The following SNX24 variants were observed in gnomAD, a reference collection of about 807,000 sequenced individuals.
SNX24 encodes the protein sorting nexin 24.
A neutral mutation model predicts 28.7 loss-of-function variants in SNX24; 22 were observed. The ratio of observed to expected loss-of-function variants is 0.77; its 90% CI spans 0.55 to 1.10. The LOEUF (loss-of-function observed/expected upper bound fraction) is 1.10. Among genes scored for constraint, SNX24 ranks in the 50% least tolerant of loss-of-function variants. The pLI is 0.00. For missense variants in SNX24, 221 were observed against 201.1 expected (o/e 1.10, Z -0.60); for synonymous variants, 69 against 71.5 (o/e 0.96, Z 0.18).
At chr5:122,852,812 G>A (rs979524678) in intron 1 of SNX24, among the ~76,000 whole-genome samples, 1 of 152,114 alleles carries the variant, frequency 6.6e-6, no homozygotes, top group Non-Finnish European at 1.5e-5. Flanking sequence ...TGGCAAGGAG[G>A]GTAGGTTAAC....
chr5:122,929,844 G>T (rs565900070), intron 1 of SNX24, among the ~76,000 whole-genome samples: 1 of 151,226 alleles, frequency 6.6e-6, no homozygotes, highest in African/African-American at 2.4e-5. Flanking sequence ...TTCTAGGTTA[G>T]GTCCACAGTC....
intron 1 of SNX24, among the ~76,000 whole-genome samples, chr5:122,931,761 C>T (rs246314): frequency 0.71 from 108,564 of 151,932 alleles, 39,488 homozygotes; most frequent in East Asian, 0.99. Context: ...ATAGAACCCC[C>T]GTCTGTATTT....
intron 1 of SNX24, among the ~76,000 whole-genome samples, chr5:122,908,912 A>G (rs1452313634): frequency 2.0e-5 from 3 of 152,222 alleles, no homozygotes; most frequent in Non-Finnish European, 4.4e-5. Flanking sequence ...ATGTGCACAT[A>G]GCAAGGCTGA....
intron 3 of SNX24, among the ~76,000 whole-genome samples, chr5:122,979,689 T>G (rs1761314652): frequency 6.6e-6 from 1 of 152,218 alleles, no homozygotes; most frequent in Non-Finnish European, 1.5e-5. Context: ...ATGTGATATT[T>G]GAAGAAAACT....
chr5:123,008,379 C>A lies in SNX24; in HGVS notation c.*630C>A. On this transcript the variant is annotated 3_prime_UTR_variant, in exon 7 of 7. Coordinates refer to ENST00000261369, the MANE Select transcript of SNX24 (RefSeq NM_014035.4). ...ATACTCAGGGGTTAGCTTCCAAGGT[C>A]AGTACATAGGTAAAATGGGCTATTA... is the stretch of plus-strand genomic sequence containing the variant. The A allele has an allele frequency of 1.2e-6, 1 of 812,914 alleles. No individual in the cohort carries two copies. The highest frequency in any genetic ancestry group is 1.5e-6 in the Non-Finnish European group (1 of 672,764). 50.4% of individuals were successfully genotyped at this position (812,914 alleles called of 1,614,324 possible).
At chr5:122,957,088 G>A (rs529881439) in intron 3 of SNX24, among the ~76,000 whole-genome samples, 1 of 152,076 alleles carries the variant, frequency 6.6e-6, no homozygotes, top group Non-Finnish European at 1.5e-5. Context: ...AGAAATCATT[G>A]CCAAATCCAG....
In SNX24 at chr5:122,845,633, C is replaced by T. The variant is rs1754581882; in HGVS notation, c.-1C>T. 1.4e-6 allele frequency: 2 copies of T among 1,414,154 alleles called. No individual in the cohort carries two copies. Among genetic ancestry groups the T allele is most frequent in the Non-Finnish European group, 1.9e-6 (2 of 1,075,108 alleles). The allele number at this position is 1,414,154 out of a possible 1,614,324, so 87.6% of individuals were successfully genotyped here. A position where few individuals can be genotyped will look rare whatever the true frequency, so the allele number is the denominator to read the frequency against. ...CCCTCAGCCGGCTGGCCGGCGCGGC[C>T]ATGGAGGTCTACATCCCGTCCTTTC... is the stretch of plus-strand genomic sequence containing the variant. On this transcript the variant is annotated 5_prime_UTR_variant, in exon 1 of 7. Transcript: ENST00000261369.
At position 123,023,687 on chromosome 5, in the gene SNX24, G is replaced by A. The variant is rs144971686; in HGVS notation, n.384-5551G>A. On this transcript the variant is annotated intron_variant and non_coding_transcript_variant, in intron 5 of 5. Coordinates refer to the SNX24 transcript ENST00000502387. The stretch of plus-strand genomic sequence containing the variant: ...TAAGTTCAAAGTCCCTAAGCAGGTG[G>A]TTTACTAAAGTTCAAGCAAACTAAA... 2.0e-4 allele frequency: 178 copies of A among 882,252 alleles called. 1 individual carries two copies. In the African/African-American group the frequency reaches 2.8e-3, roughly 14 times the overall value. 54.7% of individuals were successfully genotyped at this position (882,252 alleles called of 1,614,324 possible).
At chr5:122,971,925 T>TG (rs1332654808) in intron 3 of SNX24, among the ~76,000 whole-genome samples, 4 of 152,222 alleles carry the variant, frequency 2.6e-5, no homozygotes, top group Non-Finnish European at 5.9e-5. Context: ...CTGAAGGGTC[T>TG]GGGCCATTTG....
chr5:122,985,153 A>T (rs759314767), intron 3 of SNX24, among the ~76,000 whole-genome samples: 8 of 152,176 alleles, frequency 5.3e-5, no homozygotes, highest in Non-Finnish European at 1.2e-4. Flanking sequence ...ATATCATCTC[A>T]TGTCATGACC....
At chr5:122,882,919 A>C (rs1756544632) in intron 1 of SNX24, among the ~76,000 whole-genome samples, 1 of 152,100 alleles carries the variant, frequency 6.6e-6, no homozygotes, top group Non-Finnish European at 1.5e-5. Flanking sequence ...ATATAGGGAA[A>C]AATGGGAGTA....
intron 1 of SNX24, among the ~76,000 whole-genome samples, chr5:122,928,696 C>T (rs1230157690): frequency 6.6e-6 from 1 of 151,804 alleles, no homozygotes; most frequent in African/African-American, 2.4e-5. Flanking sequence ...CAGTCACACA[C>T]CCCTGCCAGT....
chr5:122,847,502 C>CTTTTT (rs1183386656), intron 1 of SNX24, among the ~76,000 whole-genome samples: 3 of 130,792 alleles, frequency 2.3e-5, no homozygotes, highest in Admixed American at 8.1e-5. Context: ...CTCTCTCTCT[C>CTTTTT]TTTTTTTTTT....
intron 3 of SNX24, among the ~76,000 whole-genome samples, chr5:122,961,309 T>G (rs1760480011): frequency 6.6e-6 from 1 of 152,218 alleles, no homozygotes; most frequent in Non-Finnish European, 1.5e-5. Context: ...TTACCAAGGA[T>G]TTCCTTTAAA....
intron 3 of SNX24, among the ~76,000 whole-genome samples, chr5:122,947,408 C>T (rs111491834): frequency 2.0e-5 from 3 of 152,218 alleles, no homozygotes; most frequent in South Asian, 2.1e-4. Context: ...GCCAGAATTC[C>T]GTTCCTGGCC....
chr5:123,011,372 G>C (rs1414406173), downstream of SNX24, among the ~76,000 whole-genome samples: 2 of 152,060 alleles, frequency 1.3e-5, no homozygotes, highest in Admixed American at 6.5e-5. Context: ...GGCAGCCCTC[G>C]TGTCCTTTCT....
chr5:123,017,149 A>G (rs1762693874), intron 5 of SNX24, among the ~76,000 whole-genome samples: 1 of 152,046 alleles, frequency 6.6e-6, no homozygotes, highest in African/African-American at 2.4e-5. Flanking sequence ...GGTGAACGGT[A>G]TGATTGTATA....
At chr5:122,883,613 A>G (rs146908695) in intron 1 of SNX24, among the ~76,000 whole-genome samples, 1 of 152,132 alleles carries the variant, frequency 6.6e-6, no homozygotes, top group East Asian at 1.9e-4. Flanking sequence ...TAAAACTGTC[A>G]GAAATGTATT....
chr5:122,857,901 GCCT>G (rs1755279909), intron 1 of SNX24, among the ~76,000 whole-genome samples: 1 of 152,106 alleles, frequency 6.6e-6, no homozygotes, highest in Non-Finnish European at 1.5e-5. Context: ...TCCTGCCTCA[GCCT>G]CCTGAGTAGC....
Sources: allele counts gnomAD v4.1 joint callset (sites outside exome capture counted in the v4.1 genomes callset), GRCh38; gene constraint gnomAD v4.1.1; transcripts MANE v1.5; gene names NCBI Gene and HGNC (gene_info 2026-07-23, HGNC 2026-07-21).